SCHIP1: variants seen among roughly 807,000 people sequenced by gnomAD.
SCHIP1 encodes schwannomin interacting protein 1.
Under a neutral mutation model 29.7 loss-of-function variants are expected in SCHIP1, and 8 were observed. The ratio of observed to expected loss-of-function variants is 0.27; its 90% CI spans 0.16 to 0.49. SCHIP1 has a LOEUF of 0.49. Ranked by LOEUF, SCHIP1 falls within the 20% of genes least tolerant of loss-of-function variation. SCHIP1 has a pLI of 0.99. For missense variants in SCHIP1, 193 were observed against 294.6 expected (o/e 0.66, Z 2.52); for synonymous variants, 76 against 94.9 (o/e 0.80, Z 1.16).
chr3:159,679,469 G>A, the SCHIP1 span, among the ~76,000 whole-genome samples: 1 of 152,160 alleles, frequency 6.6e-6, no homozygotes, highest in Admixed American at 6.5e-5. Context: ...ATCATACACA[G>A]GCAACATCTA....
At chr3:159,835,133 T>TA (rs779234460), upstream of SCHIP1, among the ~76,000 whole-genome samples, 14 of 152,236 alleles carry the variant, frequency 9.2e-5, no homozygotes, top group Non-Finnish European at 1.5e-4. Flanking sequence ...AGTTATTACT[T>TA]AAGATGGTGA....
the SCHIP1 span, among the ~76,000 whole-genome samples, chr3:159,828,397 G>GTA: frequency 3.4e-5 from 3 of 87,542 alleles, no homozygotes; most frequent in South Asian, 3.4e-4. Context: ...ACATATATAC[G>GTA]TATATATATA....
At chr3:159,328,032 A>G in the SCHIP1 span, among the ~76,000 whole-genome samples, 6 of 152,222 alleles carry the variant, frequency 3.9e-5, no homozygotes, top group Non-Finnish European at 2.9e-5. Context: ...GCAAATACTT[A>G]CTAATACCTA....
the SCHIP1 span, among the ~76,000 whole-genome samples, chr3:159,651,467 T>C: frequency 6.6e-6 from 1 of 152,234 alleles, no homozygotes; most frequent in African/African-American, 2.4e-5. Flanking sequence ...AGACTGTGTC[T>C]ATCCTTCTCC....
chr3:159,672,260 G>T, the SCHIP1 span, among the ~76,000 whole-genome samples: 3 of 152,180 alleles, frequency 2.0e-5, no homozygotes, highest in Non-Finnish European at 4.4e-5. Flanking sequence ...TAAGTGCTTG[G>T]CACAATTCTT....
At chr3:159,864,054 A>G (rs2109237466) in intron 1 of SCHIP1, among the ~76,000 whole-genome samples, 1 of 152,274 alleles carries the variant, frequency 6.6e-6, no homozygotes, top group Middle Eastern at 3.4e-3. Flanking sequence ...AGCTATACTC[A>G]ACAGTTTTCT....
the SCHIP1 span, among the ~76,000 whole-genome samples, chr3:159,447,674 T>G: frequency 6.6e-6 from 1 of 152,230 alleles, no homozygotes; most frequent in African/African-American, 2.4e-5. Context: ...TTTAGTTTAC[T>G]GATTCTTCTC....
the SCHIP1 span, among the ~76,000 whole-genome samples, chr3:159,545,527 G>A: frequency 5.5e-4 from 83 of 151,602 alleles, no homozygotes; most frequent in Non-Finnish European, 9.0e-4. Context: ...ATGGCCTACT[G>A]TAGGGCCTTG....
chr3:159,557,210 G>T, the SCHIP1 span, among the ~76,000 whole-genome samples: 5 of 151,718 alleles, frequency 3.3e-5, no homozygotes, highest in African/African-American at 7.3e-5. Flanking sequence ...GCCTGCCTCA[G>T]CCTCCCAAAA....
chr3:159,519,558 T>A, the SCHIP1 span, among the ~76,000 whole-genome samples: 1 of 152,146 alleles, frequency 6.6e-6, no homozygotes, highest in Non-Finnish European at 1.5e-5. Context: ...TCCAAATTAT[T>A]TAGGATAAAG....
chr3:159,391,192 A>G, the SCHIP1 span, among the ~76,000 whole-genome samples: 1,172 of 152,282 alleles, frequency 7.7e-3, 15 homozygotes, highest in African/African-American at 0.027. Flanking sequence ...ACTGCCAACA[A>G]AAAATCAGTT....
the SCHIP1 span, among the ~76,000 whole-genome samples, chr3:159,797,841 A>G: frequency 3.3e-5 from 5 of 152,238 alleles, no homozygotes; most frequent in African/African-American, 1.2e-4. Context: ...TGAGTATTCC[A>G]ATAAGCTGAG....
the SCHIP1 span, among the ~76,000 whole-genome samples, chr3:159,736,897 G>C: frequency 6.6e-6 from 1 of 152,146 alleles, no homozygotes; most frequent in East Asian, 1.9e-4. Flanking sequence ...ACCACGCCCG[G>C]CTAATTTTTT....
the SCHIP1 span, among the ~76,000 whole-genome samples, chr3:159,330,578 T>C: frequency 6.6e-6 from 1 of 152,222 alleles, no homozygotes. Context: ...TACTGATATG[T>C]ATTTTAAGGT....
chr3:159,318,304 C>T, the SCHIP1 span, among the ~76,000 whole-genome samples: 1 of 152,176 alleles, frequency 6.6e-6, no homozygotes, highest in African/African-American at 2.4e-5. Context: ...TACCTCTTCC[C>T]CAAATTTCTG....
chr3:159,875,376 A>G (rs1446685547), intron 2 of SCHIP1, among the ~76,000 whole-genome samples: 1 of 151,902 alleles, frequency 6.6e-6, no homozygotes, highest in East Asian at 1.9e-4. Flanking sequence ...ATTTTTTTTT[A>G]TCACCAATGA....
At chr3:159,742,981 C>T in the SCHIP1 span, among the ~76,000 whole-genome samples, 4 of 151,978 alleles carry the variant, frequency 2.6e-5, no homozygotes, top group African/African-American at 7.3e-5. Context: ...GCCACCACGC[C>T]GGGCCTTGGA....
the SCHIP1 span, among the ~76,000 whole-genome samples, chr3:159,637,926 T>C: frequency 6.6e-6 from 1 of 152,216 alleles, no homozygotes; most frequent in African/African-American, 2.4e-5. Context: ...TGTGCTATAT[T>C]TGAATATTTT....
intron 1 of SCHIP1, among the ~76,000 whole-genome samples, chr3:159,857,214 G>A (rs1713489248): frequency 6.6e-6 from 1 of 152,158 alleles, no homozygotes; most frequent in Non-Finnish European, 1.5e-5. Context: ...GCATGGTCAG[G>A]GAATGGGCTG....
Sources: gnomAD v4.1 joint callset for allele counts (sites outside exome capture counted in the v4.1 genomes callset) on GRCh38, gnomAD v4.1.1 for gene constraint, MANE v1.5 for transcripts, NCBI Gene and HGNC (gene_info 2026-07-23, HGNC 2026-07-21) for gene names.